Variants in TMEM98 observed in about 807,000 individuals in gnomAD.
TMEM98 encodes transmembrane protein 98.
In TMEM98, 18 loss-of-function variants were observed where a neutral mutation model predicts 25.0. The observed-to-expected ratio is 0.72, with a 90% confidence interval of 0.50 to 1.07. The LOEUF (loss-of-function observed/expected upper bound fraction) is 1.07, where lower values mean the gene tolerates loss of function less well. Ranked by LOEUF, TMEM98 falls within the 50% of genes least tolerant of loss-of-function variation. TMEM98 has a pLI of 0.00. For missense variants in TMEM98, 241 were observed against 289.0 expected (o/e 0.83, Z 1.20); for synonymous variants, 103 against 112.4 (o/e 0.92, Z 0.53).
intron 6 of TMEM98, among the ~76,000 whole-genome samples, chr17:32,937,048 C>T (rs1194920887): frequency 2.5e-4 from 38 of 152,222 alleles, no homozygotes; most frequent in African/African-American, 4.8e-5. Flanking sequence ...GGCTTGATAT[C>T]GTGAGGAAAA....
chr17:32,936,247 G>A (rs1239019974), intron 5 of TMEM98, 85 bp from the exon 6 acceptor site: 6 of 1,080,040 alleles, frequency 5.6e-6, no homozygotes, highest in Non-Finnish European at 8.3e-6. Context: ...TGGAACTCAC[G>A]GCAGGGCTGA....
chr17:32,934,086 A>T (rs2091483362), intron 4 of TMEM98, among the ~76,000 whole-genome samples: 1 of 152,110 alleles, frequency 6.6e-6, no homozygotes. Flanking sequence ...GGAAGAGTGG[A>T]TTGGGTGCAG....
At chr17:32,939,773 A>T (rs971034592) in intron 7 of TMEM98, among the ~76,000 whole-genome samples, 1 of 152,182 alleles carries the variant, frequency 6.6e-6, no homozygotes, top group African/African-American at 2.4e-5. Flanking sequence ...TTAAATTGTT[A>T]TGATTAGACT....
Position 32,941,731 on chromosome 17 carries a change from G to A in TMEM98, c.*738G>A, listed in dbSNP as rs1004926897. ...TGGAAGGAGAGAGCCTAAGAATCCT[G>A]AGGATGATTTCTGTGTATGCCTCAA... On this transcript the variant is annotated 3_prime_UTR_variant, in exon 8 of 8. Coordinates refer to ENST00000579849, the MANE Select transcript of TMEM98 (RefSeq NM_015544.3). 4 of 152,226 alleles carry A rather than the reference G, an allele frequency of 2.6e-5. No homozygotes were observed. Among genetic ancestry groups the A allele is most frequent in the African/African-American group, 4.8e-5 (2 of 41,456 alleles). The allele number at this position is 152,226 out of a possible 1,614,324, so 9.4% of individuals were successfully genotyped here.
chr17:32,928,561 G>GAA, intron 1 of TMEM98, among the ~76,000 whole-genome samples: 1 of 151,990 alleles, frequency 6.6e-6, no homozygotes, highest in East Asian at 2.0e-4. Context: ...GGGGAAGGGG[G>GAA]AAAGTAAGGG....
chr17:32,939,609 C>A, intron 7 of TMEM98, 73 bp downstream of exon 7: 1 of 1,574,310 alleles, frequency 6.4e-7, no homozygotes, highest in Non-Finnish European at 8.7e-7. Flanking sequence ...ATCTGTGAGG[C>A]TGGCTGACTG....
chr17:32,931,501 G>C lies in TMEM98; in HGVS notation c.-28G>C, dbSNP rs1446360514. 2 of 1,600,468 alleles carry C rather than the reference G, an allele frequency of 1.2e-6. No individual in the cohort carries two copies. Among genetic ancestry groups the C allele is most frequent in the South Asian group, 1.1e-5 (1 of 88,560 alleles). ...TTTAGCCCATGAGGAGGATGTGACC[G>C]GGACTGAGTCAGGAGCCCTCTGGAA... On this transcript the variant is annotated 5_prime_UTR_variant, in exon 3 of 8. Coordinates refer to ENST00000579849, the MANE Select transcript of TMEM98 (RefSeq NM_015544.3).
rs755800607 is a variant in TMEM98 at position 32,931,699 on chromosome 17, C to CT, written c.131+41dup. The CT allele has an allele frequency of 1.0e-4, 161 of 1,584,326 alleles. No homozygotes were observed. In the African/African-American group the frequency reaches 1.7e-3, roughly 16 times the overall value. ...GGAGGGCAAGGAGGAGGGGTGGGCT[C>CT]TAACTAAAGAAAAAGAGAGGAACAC... On this transcript the variant is annotated intron_variant, in intron 3 of 7. Coordinates refer to ENST00000579849, the MANE Select transcript of TMEM98 (RefSeq NM_015544.3).
intron 1 of TMEM98, among the ~76,000 whole-genome samples, chr17:32,929,969 T>C (rs2091457832): frequency 6.6e-6 from 1 of 152,184 alleles, no homozygotes; most frequent in African/African-American, 2.4e-5. Context: ...GTCTCTGTCC[T>C]ATCTATCTCC....
In TMEM98 at chr17:32,941,148, A is replaced by G. The variant is rs2091528934; in HGVS notation, c.*155A>G. The G allele has an allele frequency of 1.5e-6, 1 of 677,010 alleles. No homozygotes were observed. Among genetic ancestry groups the G allele is most frequent in the Admixed American group, 3.1e-5 (1 of 31,840 alleles). 41.9% of individuals were successfully genotyped at this position (677,010 alleles called of 1,614,324 possible). A position where few individuals can be genotyped will look rare whatever the true frequency, so the allele number is the denominator to read the frequency against. ...TAAAGCAGGAGATCCCCGTCAGTTT[A>G]TGCCTCTTTTGCAGTTGCAAACTGT... On this transcript the variant is annotated 3_prime_UTR_variant, in exon 8 of 8. Coordinates refer to ENST00000579849, the MANE Select transcript of TMEM98 (RefSeq NM_015544.3).
At chr17:32,934,492 G>C (rs878912218) in intron 5 of TMEM98, 168 bp downstream of exon 5, 1 of 657,792 alleles carries the variant, frequency 1.5e-6, no homozygotes, top group Admixed American at 2.8e-5. Context: ...GCCTGGACTG[G>C]CTGTTCACAG....
At chr17:32,937,147 G>A (rs932484422) in intron 6 of TMEM98, among the ~76,000 whole-genome samples, 3 of 152,196 alleles carry the variant, frequency 2.0e-5, no homozygotes, top group African/African-American at 4.8e-5. Flanking sequence ...GCAGAGGGTC[G>A]GGGCCAGGAT....
At position 32,928,169 on chromosome 17, in the gene TMEM98, C is replaced by G. The variant is rs2091442118; in HGVS notation, c.-199C>G. On this transcript the variant is annotated 5_prime_UTR_variant, in exon 1 of 8. Coordinates refer to ENST00000579849, the MANE Select transcript of TMEM98 (RefSeq NM_015544.3). ...CTTCCCGGCATGCTCCGCTGCAGGCCCGCGCCCGCGCCCGGACTTTGCCAT... is the reference window on the plus strand; with the variant it reads ...CTTCCCGGCATGCTCCGCTGCAGGCGCGCGCCCGCGCCCGGACTTTGCCAT... 1 of 148,130 alleles carries G rather than the reference C, an allele frequency of 6.8e-6. No individual in the cohort carries two copies. The highest frequency in any genetic ancestry group is 1.5e-5 in the Non-Finnish European group (1 of 66,440). 9.2% of individuals were successfully genotyped at this position (148,130 alleles called of 1,614,324 possible). A position where few individuals can be genotyped will look rare whatever the true frequency, so the allele number is the denominator to read the frequency against.
rs945430953 is a variant in TMEM98, at chr17:32,942,884, C to G, written c.*1891C>G. On this transcript the variant is annotated 3_prime_UTR_variant, in exon 8 of 8. Transcript: ENST00000579849. Reference sequence around the variant, plus strand: ...TTCAGAACCTGTTTTCGTAATTAGACTGGAAAGCAATTCATGCTAAGTTTG... The same window carrying G: ...TTCAGAACCTGTTTTCGTAATTAGAGTGGAAAGCAATTCATGCTAAGTTTG... 1 of 152,194 alleles carries G rather than the reference C, an allele frequency of 6.6e-6. No homozygotes were observed. Among genetic ancestry groups the G allele is most frequent in the African/African-American group, 2.4e-5 (1 of 41,442 alleles). 9.4% of individuals were successfully genotyped at this position (152,194 alleles called of 1,614,324 possible). A position where few individuals can be genotyped will look rare whatever the true frequency, so the allele number is the denominator to read the frequency against.
chr17:32,931,358 A>C lies in TMEM98; in HGVS notation c.-99A>C. On this transcript the variant is annotated 5_prime_UTR_variant, in exon 2 of 8. Transcript: ENST00000579849. ...AGGTCTCTGCAGGTGTCGTGGAGGA[A>C]CCTAGCACCTGCCATCCTCTTCCCC... The C allele has an allele frequency of 1.3e-6, 1 of 794,024 alleles. No individual in the cohort carries two copies. The highest frequency in any genetic ancestry group is 1.9e-6 in the Non-Finnish European group (1 of 517,576). The allele number at this position is 794,024 out of a possible 1,614,324, so 49.2% of individuals were successfully genotyped here. A position where few individuals can be genotyped will look rare whatever the true frequency, so the allele number is the denominator to read the frequency against.
intron 4 of TMEM98, 34 bp from the exon 5 acceptor site, chr17:32,934,257 G>C: frequency 6.2e-7 from 1 of 1,613,944 alleles, no homozygotes. Flanking sequence ...GGCCCCTCCA[G>C]ATGAGCACTG....
chr17:32,934,524 G>A (rs143080750), intron 5 of TMEM98, among the ~76,000 whole-genome samples, 200 bp downstream of exon 5: 33 of 152,268 alleles, frequency 2.2e-4, no homozygotes, highest in African/African-American at 7.7e-4. Context: ...TGTTTCAAAG[G>A]CTTTATTTCA....
Position 32,941,220 on chromosome 17 carries a change from C to G in TMEM98, c.*227C>G, listed in dbSNP as rs149484872. ...TACTACAGTTAGGGGAGATGCCATT[C>G]ACTCTCTGCAAGAGGAGTATTGAAA... is the stretch of plus-strand genomic sequence containing the variant. On this transcript the variant is annotated 3_prime_UTR_variant, in exon 8 of 8. Transcript: ENST00000579849. The G allele has an allele frequency of 0.01, 4,564 of 443,940 alleles. 81 individuals carry two copies. The highest frequency in any genetic ancestry group is 0.052 in the South Asian group (1,384 of 26,644). The allele number at this position is 443,940 out of a possible 1,614,324, so 27.5% of individuals were successfully genotyped here. A position where few individuals can be genotyped will look rare whatever the true frequency, so the allele number is the denominator to read the frequency against.
chr17:32,939,543 C>A lies in TMEM98; in HGVS notation c.473+7C>A. 1 of 1,614,094 alleles carries A rather than the reference C, an allele frequency of 6.2e-7. No homozygotes were observed. The highest frequency in any genetic ancestry group is 8.5e-7 in the Non-Finnish European group (1 of 1,179,960). ...CCAAACTCCTGGACGCACGGTGAGACCAGGGGTGGGTGCATGTTCGGTTTT... is the reference window on the plus strand; with the variant it reads ...CCAAACTCCTGGACGCACGGTGAGAACAGGGGTGGGTGCATGTTCGGTTTT... On this transcript the variant is annotated splice_region_variant and intron_variant, in intron 7 of 7. Transcript: ENST00000579849.
Sources: gnomAD v4.1 joint callset for allele counts (sites outside exome capture counted in the v4.1 genomes callset) on GRCh38, gnomAD v4.1.1 for gene constraint, MANE v1.5 for transcripts, NCBI Gene and HGNC (gene_info 2026-07-23, HGNC 2026-07-21) for gene names.